PLD1: variants seen among roughly 807,000 people sequenced by gnomAD.
PLD1 encodes the protein phospholipase D1.
In PLD1, 112 loss-of-function variants were observed where a neutral mutation model predicts 137.1. The observed-to-expected ratio is 0.82, with a 90% CI of 0.70 to 0.96. PLD1 has a LOEUF of 0.96. Among genes scored for constraint, PLD1 ranks in the 40% least tolerant of loss-of-function variants. The pLI is 0.00. For synonymous variants in PLD1, 431 were observed against 454.7 expected, an observed-to-expected ratio of 0.95 and a Z score of 0.66; for missense variants, 1,321 against 1,342.0, an observed-to-expected ratio of 0.98 and a Z score of 0.24.
intron 1 of PLD1, among the ~76,000 whole-genome samples, chr3:171,790,222 G>A (rs1483532073): frequency 6.6e-6 from 1 of 152,186 alleles, no homozygotes; most frequent in Non-Finnish European, 1.5e-5. Context: ...CCACTCACAG[G>A]GATCCAGCCT....
At chr3:171,604,635 C>A (rs944339186) in intron 26 of PLD1, among the ~76,000 whole-genome samples, 2 of 152,126 alleles carry the variant, frequency 1.3e-5, no homozygotes, top group Non-Finnish European at 2.9e-5. Context: ...CTTTTACATT[C>A]TTTATTATAA....
chr3:171,695,096 T>G (rs908037309), intron 12 of PLD1, among the ~76,000 whole-genome samples: 12 of 152,238 alleles, frequency 7.9e-5, no homozygotes, highest in Non-Finnish European at 1.2e-4. Context: ...AGGTATTGAC[T>G]ATTATAAACT....
At chr3:171,624,996 T>A (rs1160343727) in intron 23 of PLD1, among the ~76,000 whole-genome samples, 1 of 152,134 alleles carries the variant, frequency 6.6e-6, no homozygotes, top group Non-Finnish European at 1.5e-5. Context: ...TTAAATATGT[T>A]TTTTGTATAG....
At chr3:171,675,414 T>C (rs1713247049) in intron 18 of PLD1, among the ~76,000 whole-genome samples, 1 of 152,232 alleles carries the variant, frequency 6.6e-6, no homozygotes, top group Non-Finnish European at 1.5e-5. Context: ...TCAAAATAAA[T>C]TACCTTATTG....
intron 1 of PLD1, among the ~76,000 whole-genome samples, chr3:171,739,516 A>G (rs372177986): frequency 5.3e-5 from 8 of 152,306 alleles, no homozygotes; most frequent in Admixed American, 4.6e-4. Context: ...TATATAGCCA[A>G]GTATAGGACT....
intron 11 of PLD1, among the ~76,000 whole-genome samples, chr3:171,703,163 C>A (rs1716387275): frequency 6.6e-6 from 1 of 152,070 alleles, no homozygotes; most frequent in Non-Finnish European, 1.5e-5. Flanking sequence ...AATAAATACT[C>A]CCAACAAATT....
rs571538714 is a variant in PLD1 at position 171,680,242 on chromosome 3, C to CTTTTTTTTT, written c.1868-2557_1868-2549dup. On this transcript the variant is annotated intron_variant, in intron 16 of 26. Transcript: ENST00000351298. ...GTCTTTTTGTTTTCTTTTTCTTCCT[C>CTTTTTTTTT]TTTTTTTTTTTTTTTTTTTTTTTTT... Among the ~76,000 whole-genome samples the CTTTTTTTTT allele has an allele frequency of 1.1e-4, 11 of 102,906 alleles. 3 individuals carry two copies. Among genetic ancestry groups the CTTTTTTTTT allele is most frequent in the Non-Finnish European group, 9.5e-5 (5 of 52,638 alleles). The allele number at this position is 102,906 out of a possible 152,430, so 67.5% of individuals were successfully genotyped here.
In PLD1 at chr3:171,603,190, T is replaced by A; in HGVS notation, c.3113A>T (p.Lys1038Met). The A allele has an allele frequency of 6.2e-7, 1 of 1,614,110 alleles. No individual in the cohort carries two copies. The highest frequency in any genetic ancestry group is 8.5e-7 in the Non-Finnish European group (1 of 1,179,956). ...EDPIRAEEEL[K>M]KIRGFLVQFP... ...TTGCACCAAAAATCCACGGATCTTC[T>A]TCAGTTCCTCCTCAGCTCGAATGGG... Residue 1038 changes from lysine (K) to methionine (M), a missense_variant, in exon 27 of 27, where the codon AAG (lysine) becomes ATG (methionine). By Grantham distance (95) the Lys-to-Met change is moderately conservative. Coordinates refer to ENST00000351298, the MANE Select transcript of PLD1 (RefSeq NM_002662.5).
Position 171,733,497 on chromosome 3 carries a change from CT to C in PLD1, c.552del (p.Asp185IlefsTer3), listed in dbSNP as rs1719105650. On this transcript the variant is annotated frameshift_variant, in exon 6 of 27. Transcript: ENST00000351298. LOFTEE classifies it high-confidence loss of function. ...ATTTTTAGTATCTTTGTCAAGTAAT[CT>C]TCCAGTTGTTTCTGTAATGCAAATA... is the stretch of plus-strand genomic sequence containing the variant. ...EQFLGRRKQL[E>X]DYLTKILKMP... 7.7e-7 allele frequency: 1 copy of C among 1,296,340 alleles called. No homozygotes were observed. Among genetic ancestry groups the C allele is most frequent in the Non-Finnish European group, 1.1e-6 (1 of 896,416 alleles). The allele number at this position is 1,296,340 out of a possible 1,614,324, so 80.3% of individuals were successfully genotyped here.
rs113781555 is a variant in PLD1, at chr3:171,714,354, G to C, written c.759-309C>G. ...GGCAGGTAGCACTCACAGGATGTACGACAGGAAGGGCAAGACTGAGGAGAT... is the reference window on the plus strand; with the variant it reads ...GGCAGGTAGCACTCACAGGATGTACCACAGGAAGGGCAAGACTGAGGAGAT... On this transcript the variant is annotated intron_variant, in intron 8 of 26. Coordinates refer to ENST00000351298, the MANE Select transcript of PLD1 (RefSeq NM_002662.5). Among the ~76,000 whole-genome samples the C allele has an allele frequency of 6.2e-3, 937 of 152,284 alleles. 7 individuals are homozygous for C. The highest frequency in any genetic ancestry group is 0.022 in the African/African-American group (898 of 41,556).
intron 23 of PLD1, among the ~76,000 whole-genome samples, chr3:171,627,673 G>C (rs1366148230): frequency 6.6e-6 from 1 of 152,188 alleles, no homozygotes; most frequent in Non-Finnish European, 1.5e-5. Context: ...TCAGACCATA[G>C]TGCAATCAAA....
chr3:171,716,436 G>A (rs6767012), intron 8 of PLD1, among the ~76,000 whole-genome samples: 54,785 of 151,954 alleles, frequency 0.36, 11,034 homozygotes, highest in African/African-American at 0.52. Flanking sequence ...AGCCATTCTG[G>A]CTGGTGTGAG....
At chr3:171,627,535 C>T (rs1343151518) in intron 23 of PLD1, among the ~76,000 whole-genome samples, 1 of 137,194 alleles carries the variant, frequency 7.3e-6, no homozygotes, top group African/African-American at 3.0e-5. Flanking sequence ...GAACTCTCCA[C>T]CCCAAATCAA....
intron 1 of PLD1, chr3:171,788,418 T>G (rs1264049296): frequency 6.6e-6 from 1 of 152,032 alleles, no homozygotes; most frequent in Non-Finnish European, 1.5e-5. Context: ...GAAATAAATT[T>G]TTCCTTAATG....
rs77597323 is a variant in PLD1 at position 171,708,584 on chromosome 3, T to C, written c.1145+171A>G. On this transcript the variant is annotated intron_variant, in intron 11 of 26. Transcript: ENST00000351298. ...TTTATGAATATTGTTGAGGCCAAGG[T>C]TTTTGAAAAGGCCTTTCACTGAAGG... 4.4e-3 allele frequency among the ~76,000 whole-genome samples: 668 copies of C among 152,300 alleles called. 2 individuals are homozygous for C. Among genetic ancestry groups the C allele is most frequent in the African/African-American group, 0.015 (644 of 41,552 alleles).
Position 171,738,029 on chromosome 3 carries a change from C to T in PLD1, c.23G>A (p.Arg8Gln), listed in dbSNP as rs372960502. 4.3e-6 allele frequency: 7 copies of T among 1,612,958 alleles called. No individual in the cohort carries two copies. The highest frequency in any genetic ancestry group is 5.9e-6 in the Non-Finnish European group (7 of 1,179,612). ...TTTCTGCAGTGCAGAGGTATTTACCCGTGGCTCGTTTTTCAGTGACATGTT... is the reference window on the plus strand; with the variant it reads ...TTTCTGCAGTGCAGAGGTATTTACCTGTGGCTCGTTTTTCAGTGACATGTT... Reference protein sequence around the residue: MSLKNEPRVNTSALQKIA... With the variant: MSLKNEPQVNTSALQKIA... The change falls in exon 2 of 27, where the codon CGG becomes CAG. Residue 8 changes from arginine to glutamine, a missense_variant. Coordinates refer to ENST00000351298, the MANE Select transcript of PLD1 (RefSeq NM_002662.5).
At chr3:171,712,000 A>G (rs1479269889) in intron 9 of PLD1, among the ~76,000 whole-genome samples, 1 of 152,198 alleles carries the variant, frequency 6.6e-6, no homozygotes, top group African/African-American at 2.4e-5. Flanking sequence ...ATCTACCATC[A>G]TACCAATGTA....
intron 23 of PLD1, among the ~76,000 whole-genome samples, chr3:171,624,708 G>A (rs547678571): frequency 1.3e-5 from 2 of 152,240 alleles, no homozygotes; most frequent in South Asian, 2.1e-4. Flanking sequence ...GCAGTGTTAC[G>A]AGAAATGAAG....
intron 23 of PLD1, among the ~76,000 whole-genome samples, chr3:171,632,588 G>C (rs1203411824): frequency 6.6e-6 from 1 of 150,464 alleles, no homozygotes; most frequent in East Asian, 1.9e-4. Flanking sequence ...AATGACTCAG[G>C]GTAAAAAAAA....
Sources: gnomAD v4.1 joint callset for allele counts (sites outside exome capture counted in the v4.1 genomes callset) on GRCh38, gnomAD v4.1.1 for gene constraint, MANE v1.5 for transcripts, NCBI Gene and HGNC (gene_info 2026-07-23, HGNC 2026-07-21) for gene names.